KCNQ1: variants seen among roughly 807,000 people sequenced by gnomAD.
KCNQ1 encodes potassium voltage-gated channel subfamily KQT member 1.
In KCNQ1, 49 loss-of-function variants were observed where a neutral mutation model predicts 72.4. The observed-to-expected ratio is 0.68, with a 90% CI of 0.54 to 0.86. The LOEUF (loss-of-function observed/expected upper bound fraction) is 0.86. KCNQ1 is among the 40% of genes least tolerant of loss of function. KCNQ1 has a pLI of 0.00. For synonymous variants in KCNQ1, 450 were observed against 412.6 expected, an observed-to-expected ratio of 1.09 and a Z score of -1.10; for missense variants, 790 against 945.1, an observed-to-expected ratio of 0.84 and a Z score of 2.15.
chr11:2,798,822 A>T (rs1400111386), intron 15 of KCNQ1, among the ~76,000 whole-genome samples: 1 of 152,164 alleles, frequency 6.6e-6, no homozygotes, highest in Non-Finnish European at 1.5e-5. Context: ...GCGTTGTTTG[A>T]ACTCTCGCCT....
chr11:2,466,178 G>A (rs1442719119), intron 1 of KCNQ1, among the ~76,000 whole-genome samples: 1 of 152,190 alleles, frequency 6.6e-6, no homozygotes, highest in African/African-American at 2.4e-5. Context: ...CTTCGTTGTT[G>A]GGGGAGGAGA....
At position 2,704,195 on chromosome 11, in the gene KCNQ1, G is replaced by A. The variant is rs1850869147; in HGVS notation, c.1514+42114G>A. ...CAACGCCCACCTTCTTCCTTCACTG[G>A]TCATAGGTTTCTGCTGACCCTGCAG... On this transcript the variant is annotated intron_variant, in intron 11 of 15. Transcript: ENST00000155840. The surrounding 1 kb of genome is among the most constrained non-coding windows in gnomAD (Gnocchi z 4.3). Among the ~76,000 whole-genome samples the A allele has an allele frequency of 1.3e-5, 2 of 152,208 alleles. No individual in the cohort carries two copies. Among genetic ancestry groups the A allele is most frequent in the Non-Finnish European group, 2.9e-5 (2 of 68,040 alleles).
chr11:2,482,521 AG>A lies in KCNQ1; in HGVS notation c.386+37038del. ...TTCCTTGGGTCACATTTGCAGGAGA[AG>A]ACTGACAGGATCAAAGGGTTCCTGC... On this transcript the variant is annotated intron_variant, in intron 1 of 15. Coordinates refer to ENST00000155840, the MANE Select transcript of KCNQ1 (RefSeq NM_000218.3). This position sits in a 1 kb window ranked among gnomAD's most constrained non-coding sequence, Gnocchi z 5.7. Among the ~76,000 whole-genome samples, 1 of 152,288 alleles carries A rather than the reference AG, an allele frequency of 6.6e-6. No homozygotes were observed. Among genetic ancestry groups the A allele is most frequent in the South Asian group, 2.1e-4 (1 of 4,824 alleles).
chr11:2,641,274 C>G (rs972459669), intron 10 of KCNQ1: 6 of 398,272 alleles, frequency 1.5e-5, no homozygotes, highest in African/African-American at 1.2e-4. Context: ...ACATTCCCAC[C>G]AACAGTGTAT....
chr11:2,589,400 G>A (rs1311231058), intron 10 of KCNQ1, among the ~76,000 whole-genome samples: 2 of 152,226 alleles, frequency 1.3e-5, no homozygotes, highest in Admixed American at 6.5e-5. Flanking sequence ...CTGCAGCGGG[G>A]GCTGGGATGA....
rs1011076609 is a variant in KCNQ1, at chr11:2,683,167, C to T, written c.1514+21086C>T. 8 of 398,494 alleles carry T rather than the reference C, an allele frequency of 2.0e-5. No individual in the cohort carries two copies. The highest frequency in any genetic ancestry group is 4.1e-5 in the African/African-American group (2 of 48,612). The allele number at this position is 398,494 out of a possible 1,614,324, so 24.7% of individuals were successfully genotyped here. On this transcript the variant is annotated intron_variant, in intron 11 of 15. Coordinates refer to ENST00000155840, the MANE Select transcript of KCNQ1 (RefSeq NM_000218.3). The surrounding 1 kb of genome is among the most constrained non-coding windows in gnomAD (Gnocchi z 4.7). ...GGCTAGCATTAGGAATGGGTATTAG[C>T]ATCTGCATTAAAAGGCTCCCACTGA...
chr11:2,534,582 A>G (rs2074247), intron 2 of KCNQ1, among the ~76,000 whole-genome samples: 81,832 of 152,098 alleles, frequency 0.54, 24,112 homozygotes, highest in Non-Finnish European at 0.68. Context: ...CTTCGGGGGC[A>G]ACTCCCCACT....
rs1159360165 is a variant in KCNQ1 at position 2,536,611 on chromosome 11, C to T, written c.477+8593C>T. Among the ~76,000 whole-genome samples, 1 of 152,192 alleles carries T rather than the reference C, an allele frequency of 6.6e-6. No individual in the cohort carries two copies. Among genetic ancestry groups the T allele is most frequent in the African/African-American group, 2.4e-5 (1 of 41,460 alleles). ...CCCTCTCTCAGGCGGGTCTGGAACCCAACAGAGCTGGTTTGGGCCACAGCA... is the reference window on the plus strand; with the variant it reads ...CCCTCTCTCAGGCGGGTCTGGAACCTAACAGAGCTGGTTTGGGCCACAGCA... On this transcript the variant is annotated intron_variant, in intron 2 of 15. Transcript: ENST00000155840. This position sits in a 1 kb window ranked among gnomAD's most constrained non-coding sequence, Gnocchi z 7.4.
chr11:2,677,838 G>C lies in KCNQ1; in HGVS notation c.1514+15757G>C. 2.5e-6 allele frequency: 1 copy of C among 398,430 alleles called. No individual in the cohort carries two copies. The allele number at this position is 398,430 out of a possible 1,614,324, so 24.7% of individuals were successfully genotyped here. ...TGTTGTGATAGATACTGCCAAATAA[G>C]GGCTGTACCATTTACATCACTTTGA... On this transcript the variant is annotated intron_variant, in intron 11 of 15. Transcript: ENST00000155840. The surrounding 1 kb of genome is among the most constrained non-coding windows in gnomAD (Gnocchi z 4.5).
At chr11:2,844,564 TG>T (rs888860289) in intron 15 of KCNQ1, among the ~76,000 whole-genome samples, 8 of 152,094 alleles carry the variant, frequency 5.3e-5, no homozygotes, top group African/African-American at 1.9e-4. Flanking sequence ...ACCCCAAAGG[TG>T]GCTGAGTGCC....
rs139645350 is a variant in KCNQ1, at chr11:2,616,586, C to T, written c.1393+27732C>T. On this transcript the variant is annotated intron_variant, in intron 10 of 15. Transcript: ENST00000155840. ...TCCCATAAGTCTGAGTATGTTGTGT[C>T]GTCATTTTCACTTTTTGAAAGTATT... The T allele has an allele frequency of 1.2e-3, 458 of 397,982 alleles. 2 individuals are homozygous for T. The highest frequency in any genetic ancestry group is 8.1e-3 in the African/African-American group (396 of 48,668). The allele number at this position is 397,982 out of a possible 1,614,324, so 24.7% of individuals were successfully genotyped here.
At chr11:2,795,752 C>A (rs1055963869) in intron 15 of KCNQ1, among the ~76,000 whole-genome samples, 4 of 152,238 alleles carry the variant, frequency 2.6e-5, no homozygotes, top group African/African-American at 9.6e-5. Context: ...TTCTGCTCCA[C>A]AAACTTGGCG....
In KCNQ1 at chr11:2,461,525, T is replaced by C. The variant is rs781085491; in HGVS notation, c.386+16041T>C. 5 of 1,338,714 alleles carry C rather than the reference T, an allele frequency of 3.7e-6. No individual in the cohort carries two copies. The Admixed American group carries it at 9.9e-5, about 27-fold the overall frequency. 82.9% of individuals were successfully genotyped at this position (1,338,714 alleles called of 1,614,324 possible). ...CTTTGCGCCTGCACATGTGTGTGTC[T>C]GGAGTGTAGGATGGCACTGGTGCCG... On this transcript the variant is annotated intron_variant, in intron 1 of 15. Transcript: ENST00000155840.
intron 15 of KCNQ1, among the ~76,000 whole-genome samples, chr11:2,836,601 G>A (rs1848070136): frequency 6.6e-6 from 1 of 152,204 alleles, no homozygotes; most frequent in East Asian, 1.9e-4. Context: ...GGTGATGTCA[G>A]CAATCCCCAC....
In KCNQ1 at chr11:2,711,524, C is replaced by T. The variant is rs1851005935; in HGVS notation, c.1514+49443C>T. The stretch of plus-strand genomic sequence containing the variant: ...GTGGCAGCTTGTGGAATCTTCTCAA[C>T]CTTGGGTGTCGCCTGCCCAGAACGG... On this transcript the variant is annotated intron_variant, in intron 11 of 15. Coordinates refer to ENST00000155840, the MANE Select transcript of KCNQ1 (RefSeq NM_000218.3). The surrounding 1 kb of genome is among the most constrained non-coding windows in gnomAD (Gnocchi z 5.4). Among the ~76,000 whole-genome samples the T allele has an allele frequency of 2.0e-5, 3 of 152,294 alleles. No homozygotes were observed. In the South Asian group the frequency reaches 6.2e-4, roughly 32 times the overall value.
At chr11:2,513,406 C>T (rs1016930475) in intron 1 of KCNQ1, among the ~76,000 whole-genome samples, 1 of 152,186 alleles carries the variant, frequency 6.6e-6, no homozygotes, top group Non-Finnish European at 1.5e-5. Flanking sequence ...AGGGGAGTGT[C>T]TGGGATGGGA....
rs7128307 is a variant in KCNQ1, at chr11:2,620,773, A to T, written c.1393+31919A>T. On this transcript the variant is annotated intron_variant, in intron 10 of 15. Transcript: ENST00000155840. This position sits in a 1 kb window ranked among gnomAD's most constrained non-coding sequence, Gnocchi z 4.5. Reference sequence around the variant, plus strand: ...TATTTGAGAAAACTCCAAACTGCTTAGCACAGTGGCTGAACTAATTTGTAT... The same window carrying T: ...TATTTGAGAAAACTCCAAACTGCTTTGCACAGTGGCTGAACTAATTTGTAT... The T allele has an allele frequency of 0.22, 88,775 of 398,374 alleles. 12,192 individuals carry two copies. The highest frequency in any genetic ancestry group is 0.49 in the African/African-American group (23,829 of 48,624). The allele number at this position is 398,374 out of a possible 1,614,324, so 24.7% of individuals were successfully genotyped here. A position where few individuals can be genotyped will look rare whatever the true frequency, so the allele number is the denominator to read the frequency against.
chr11:2,681,950 C>G (rs1007252321), intron 11 of KCNQ1: 7 of 398,496 alleles, frequency 1.8e-5, no homozygotes, highest in Admixed American at 4.4e-5. Flanking sequence ...AATGATACTA[C>G]TACTTACACT....
At position 2,797,916 on chromosome 11, in the gene KCNQ1, GGCCCAGGCA is replaced by G. The variant is rs1847171311; in HGVS notation, c.1794+19888_1794+19896del. 2.6e-5 allele frequency among the ~76,000 whole-genome samples: 4 copies of G among 152,300 alleles called. No individual in the cohort carries two copies. In the South Asian group the frequency reaches 8.3e-4, roughly 32 times the overall value. ...TGCGTACTGTGCCAGCCTCCAGGTT[GGCCCAGGCA>G]GCCCAGGCTGCTCAGGGTCATGGCC... is the stretch of plus-strand genomic sequence containing the variant. On this transcript the variant is annotated intron_variant, in intron 15 of 15. Coordinates refer to ENST00000155840, the MANE Select transcript of KCNQ1 (RefSeq NM_000218.3).
Sources: gnomAD v4.1 joint callset for allele counts (sites outside exome capture counted in the v4.1 genomes callset) on GRCh38, gnomAD v4.1.1 for gene constraint, Gnocchi (gnomAD v3.1) non-coding constraint, MANE v1.5 for transcripts, NCBI Gene and HGNC (gene_info 2026-07-23, HGNC 2026-07-21) for gene names.